Variants in PTPRD observed in about 807,000 individuals in gnomAD.
PTPRD encodes the protein receptor-type tyrosine-protein phosphatase delta.
A neutral mutation model predicts 214.5 loss-of-function variants in PTPRD; 34 were observed. The ratio of observed to expected loss-of-function variants is 0.16; its 90% CI spans 0.12 to 0.21. PTPRD has a LOEUF of 0.21. PTPRD is among the 10% of genes least tolerant of loss of function. The pLI, the probability that PTPRD is intolerant of heterozygous loss-of-function variation, is 1.00. For synonymous variants in PTPRD, 1,128 were observed against 845.7 expected, an observed-to-expected ratio of 1.33 and a Z score of -5.79; for missense variants, 2,545 against 2,398.7, an observed-to-expected ratio of 1.06 and a Z score of -1.27.
At chr9:9,269,756 TAGAA>T (rs933732555) in intron 9 of PTPRD, among the ~76,000 whole-genome samples, 42 of 151,286 alleles carry the variant, frequency 2.8e-4, no homozygotes, top group Middle Eastern at 3.4e-3. Context: ...TAGCTGGACA[TAGAA>T]AGAAAAATAC....
At chr9:10,266,020 T>C (rs1373633421) in intron 3 of PTPRD, among the ~76,000 whole-genome samples, 1 of 152,196 alleles carries the variant, frequency 6.6e-6, no homozygotes, top group Non-Finnish European at 1.5e-5. Flanking sequence ...ACTAAACTTA[T>C]ATTAACTAGA....
intron 7 of PTPRD, among the ~76,000 whole-genome samples, chr9:9,697,733 A>T (rs1215463894): frequency 6.6e-6 from 1 of 152,104 alleles, no homozygotes; most frequent in African/African-American, 2.4e-5. Flanking sequence ...GAAAGCTGTC[A>T]TTTCTTTTAA....
intron 11 of PTPRD, among the ~76,000 whole-genome samples, chr9:8,772,898 C>G (rs1040739257): frequency 3.9e-5 from 6 of 152,008 alleles, no homozygotes; most frequent in African/African-American, 1.5e-4. Context: ...AGTTAAGATT[C>G]TTGGAAACAT....
intron 3 of PTPRD, among the ~76,000 whole-genome samples, chr9:10,056,497 TA>T (rs1373734486): frequency 6.6e-6 from 1 of 152,052 alleles, no homozygotes; most frequent in Non-Finnish European, 1.5e-5. Context: ...TGTATTTAAT[TA>T]AAAAAACAAA....
At chr9:9,531,013 A>G (rs780046465) in intron 8 of PTPRD, among the ~76,000 whole-genome samples, 2 of 152,200 alleles carry the variant, frequency 1.3e-5, no homozygotes, top group Non-Finnish European at 2.9e-5. Flanking sequence ...GATATTTTGT[A>G]TATTTCAAAA....
chr9:8,607,690 TG>T (rs1220627917), intron 14 of PTPRD, among the ~76,000 whole-genome samples: 2 of 151,746 alleles, frequency 1.3e-5, no homozygotes, highest in African/African-American at 4.8e-5. Context: ...CGAATGGGAG[TG>T]GCCCCTGGTT....
At chr9:10,537,341 TCAA>T (rs2058064913) in intron 2 of PTPRD, among the ~76,000 whole-genome samples, 1 of 152,180 alleles carries the variant, frequency 6.6e-6, no homozygotes, top group Non-Finnish European at 1.5e-5. Flanking sequence ...GTTAATGAGC[TCAA>T]CAACACATTC....
At chr9:9,280,791 T>A (rs4112001) in intron 9 of PTPRD, among the ~76,000 whole-genome samples, 26,900 of 151,128 alleles carry the variant, frequency 0.18, 2,650 homozygotes, top group East Asian at 0.36. Flanking sequence ...GTAAAGTTTA[T>A]ATGAAGTGGC....
intron 37 of PTPRD, among the ~76,000 whole-genome samples, chr9:8,383,734 C>G (rs1306129366): frequency 6.6e-6 from 1 of 152,152 alleles, no homozygotes; most frequent in Non-Finnish European, 1.5e-5. Flanking sequence ...CTCCCCATCT[C>G]CAACATTTAT....
rs567813256 is a variant in PTPRD, at chr9:8,546,153, G to A, written c.353-17374C>T. Among the ~76,000 whole-genome samples the A allele has an allele frequency of 2.8e-3, 424 of 152,242 alleles. 10 individuals carry two copies. Among genetic ancestry groups the A allele is most frequent in the Non-Finnish European group, 4.6e-4 (31 of 68,018 alleles). On this transcript the variant is annotated intron_variant, in intron 14 of 45. Transcript: ENST00000381196. Reference sequence around the variant, plus strand: ...TGACAGTCAAAACAACTTGGCCAGAGGAGTAATATTTATGGAGAATTAGCT... The same window carrying A: ...TGACAGTCAAAACAACTTGGCCAGAAGAGTAATATTTATGGAGAATTAGCT...
chr9:9,705,889 A>G (rs2097592072), intron 7 of PTPRD, among the ~76,000 whole-genome samples: 1 of 152,160 alleles, frequency 6.6e-6, no homozygotes, highest in African/African-American at 2.4e-5. Context: ...GTGACCTCAA[A>G]GAGAGGTAGT....
At chr9:9,114,705 T>C (rs1460087384) in intron 10 of PTPRD, among the ~76,000 whole-genome samples, 1 of 151,934 alleles carries the variant, frequency 6.6e-6, no homozygotes, top group East Asian at 1.9e-4. Flanking sequence ...CTCCAAAAAA[T>C]AAGGAAAAAA....
At chr9:9,839,897 T>C (rs2057851196) in intron 5 of PTPRD, among the ~76,000 whole-genome samples, 3 of 152,038 alleles carry the variant, frequency 2.0e-5, no homozygotes, top group African/African-American at 7.3e-5. Flanking sequence ...TTTAAACATA[T>C]ATTGATATGC....
At chr9:9,094,470 G>A (rs962920426) in intron 10 of PTPRD, among the ~76,000 whole-genome samples, 1 of 152,120 alleles carries the variant, frequency 6.6e-6, no homozygotes, top group Non-Finnish European at 1.5e-5. Context: ...GCTAAGCTAG[G>A]AGGACACAAA....
chr9:9,533,525 C>A (rs2075922724), intron 8 of PTPRD, among the ~76,000 whole-genome samples: 1 of 151,698 alleles, frequency 6.6e-6, no homozygotes, highest in South Asian at 2.1e-4. Flanking sequence ...TAAATTTTTT[C>A]TGTAATTTTT....
At chr9:10,314,087 T>G (rs928555080) in intron 3 of PTPRD, among the ~76,000 whole-genome samples, 1 of 151,912 alleles carries the variant, frequency 6.6e-6, no homozygotes, top group African/African-American at 2.4e-5. Context: ...GCCTAATAAA[T>G]GTGAATTTTA....
intron 11 of PTPRD, among the ~76,000 whole-genome samples, chr9:9,009,736 G>T (rs553297306): frequency 4.5e-4 from 69 of 152,054 alleles, no homozygotes; most frequent in South Asian, 1.9e-3. Context: ...TGCCAATTTG[G>T]AAATATTCTA....
intron 5 of PTPRD, among the ~76,000 whole-genome samples, chr9:9,802,405 T>A (rs965385193): frequency 7.9e-5 from 12 of 151,976 alleles, no homozygotes; most frequent in African/African-American, 2.7e-4. Context: ...AATTTGAAGT[T>A]AATGCACTAC....
At chr9:8,638,103 C>CTTTTTTTTTTTTT (rs963311950) in intron 12 of PTPRD, among the ~76,000 whole-genome samples, 1 of 127,034 alleles carries the variant, frequency 7.9e-6, no homozygotes, top group African/African-American at 2.9e-5. Context: ...GCTGTTCCTT[C>CTTTTTTTTTTTTT]TTTTTTTTTT....
Sources: gnomAD v4.1 joint callset for allele counts (sites outside exome capture counted in the v4.1 genomes callset) on GRCh38, gnomAD v4.1.1 for gene constraint, MANE v1.5 for transcripts, NCBI Gene and HGNC (gene_info 2026-07-23, HGNC 2026-07-21) for gene names.